Variants in L3MBTL4 observed in about 807,000 individuals in gnomAD.
L3MBTL4 encodes L3MBTL histone methyl-lysine binding protein 4, also known as lethal(3)malignant brain tumor-like protein 4.
In L3MBTL4, 70 loss-of-function variants were observed where a neutral mutation model predicts 84.5. The ratio of observed to expected loss-of-function variants is 0.83; its 90% CI spans 0.68 to 1.01. The LOEUF (loss-of-function observed/expected upper bound fraction) is 1.01. Ranked by LOEUF, L3MBTL4 falls within the 50% of genes least tolerant of loss-of-function variation. The pLI, the probability that L3MBTL4 is intolerant of heterozygous loss-of-function variation, is 0.00. For synonymous variants in L3MBTL4, 274 were observed against 259.8 expected (o/e 1.05, Z -0.52); for missense variants, 715 against 754.8 (o/e 0.95, Z 0.62).
intron 12 of L3MBTL4, among the ~76,000 whole-genome samples, chr18:6,187,811 A>G (rs2044848836): frequency 6.6e-6 from 1 of 152,018 alleles, no homozygotes; most frequent in Non-Finnish European, 1.5e-5. Context: ...TCAATGTCAG[A>G]AGTCTAAATT....
chr18:6,033,243 T>A (rs945864619), intron 16 of L3MBTL4, among the ~76,000 whole-genome samples: 15 of 152,346 alleles, frequency 9.8e-5, no homozygotes, highest in African/African-American at 3.6e-4. Flanking sequence ...CTTTGCCTAT[T>A]GTAACATTTT....
intron 5 of L3MBTL4, 83 bp from the exon 6 acceptor site, chr18:6,244,671 A>ACACC: frequency 1.1e-6 from 1 of 941,732 alleles, no homozygotes; most frequent in Non-Finnish European, 1.7e-6. Context: ...CCTCTAGGTG[A>ACACC]AGTCTAAAAC....
At chr18:6,195,041 C>A (rs899589062) in intron 12 of L3MBTL4, among the ~76,000 whole-genome samples, 2 of 152,126 alleles carry the variant, frequency 1.3e-5, no homozygotes, top group Admixed American at 1.3e-4. Flanking sequence ...GGGAATGATA[C>A]CAAATTTGCC....
intron 13 of L3MBTL4, among the ~76,000 whole-genome samples, chr18:6,161,011 A>T (rs1404826834): frequency 6.6e-6 from 1 of 152,192 alleles, no homozygotes; most frequent in East Asian, 1.9e-4. Context: ...CCAAAATATG[A>T]CCCAGTTAGA....
chr18:6,027,063 A>G lies in L3MBTL4; in HGVS notation c.1444+53818T>C, dbSNP rs140924074. Among the ~76,000 whole-genome samples, 286 of 152,298 alleles carry G rather than the reference A, an allele frequency of 1.9e-3. 2 individuals carry two copies. In the East Asian group the frequency reaches 0.038, roughly 20 times the overall value. On this transcript the variant is annotated intron_variant, in intron 16 of 18. Coordinates refer to ENST00000317931, the MANE Select transcript of L3MBTL4 (RefSeq NM_001330559.2). Reference sequence around the variant, plus strand: ...ACTTTAAGTTCTGGGATACATGTGCAGAACGTGCAGGTTTTTACACAGGTA... The same window carrying G: ...ACTTTAAGTTCTGGGATACATGTGCGGAACGTGCAGGTTTTTACACAGGTA...
intron 4 of L3MBTL4, among the ~76,000 whole-genome samples, chr18:6,293,798 C>G (rs1162077739): frequency 1.3e-5 from 2 of 152,170 alleles, no homozygotes; most frequent in African/African-American, 4.8e-5. Context: ...CAGTATCAGA[C>G]AAATCCAAAC....
intron 4 of L3MBTL4, among the ~76,000 whole-genome samples, chr18:6,298,621 C>T (rs747906251): frequency 3.3e-4 from 50 of 152,280 alleles, no homozygotes; most frequent in Non-Finnish European, 6.8e-4. Context: ...GCCTGTAATC[C>T]CAGCACTTTG....
intron 16 of L3MBTL4, among the ~76,000 whole-genome samples, chr18:5,984,721 A>G (rs2053392567): frequency 1.3e-5 from 2 of 152,164 alleles, no homozygotes; most frequent in African/African-American, 4.8e-5. Flanking sequence ...TGGTGAGAAA[A>G]TTAATTGATA....
At position 5,955,488 on chromosome 18, in the gene L3MBTL4, G is replaced by A. The variant is rs928978215; in HGVS notation, c.*732C>T. The A allele has an allele frequency of 1.1e-4, 17 of 152,212 alleles. No homozygotes were observed. The highest frequency in any genetic ancestry group is 3.4e-4 in the African/African-American group (14 of 41,452). The allele number at this position is 152,212 out of a possible 1,614,324, so 9.4% of individuals were successfully genotyped here. ...TTAGGACAGGGTCCCCTGAGGCCCC[G>A]CTGATGGTGGAGGGTCCTCAGAAGG... On this transcript the variant is annotated 3_prime_UTR_variant, in exon 19 of 19. Coordinates refer to ENST00000317931, the MANE Select transcript of L3MBTL4 (RefSeq NM_001330559.2).
At chr18:6,204,465 T>C (rs1172484539) in intron 12 of L3MBTL4, among the ~76,000 whole-genome samples, 2 of 152,148 alleles carry the variant, frequency 1.3e-5, no homozygotes, top group Non-Finnish European at 2.9e-5. Context: ...ATAAAGATCT[T>C]GCATATACCA....
intron 1 of L3MBTL4, among the ~76,000 whole-genome samples, chr18:6,405,594 C>A (rs961441975): frequency 6.6e-6 from 1 of 152,076 alleles, no homozygotes; most frequent in Non-Finnish European, 1.5e-5. Context: ...CTGCTAAATA[C>A]AGGAAATGAG....
At chr18:6,408,185 TCA>T (rs1216182401) in intron 1 of L3MBTL4, among the ~76,000 whole-genome samples, 10 of 152,236 alleles carry the variant, frequency 6.6e-5, no homozygotes, top group Non-Finnish European at 1.2e-4. Context: ...CAGGATGTGC[TCA>T]CAGTCTCAGG....
intron 1 of L3MBTL4, among the ~76,000 whole-genome samples, chr18:6,364,538 T>C (rs1029101747): frequency 1.3e-5 from 2 of 152,136 alleles, no homozygotes; most frequent in Admixed American, 6.5e-5. Flanking sequence ...AAAAGCTTTA[T>C]TGTTACCTCC....
chr18:6,122,050 T>C (rs2059547332), intron 14 of L3MBTL4, among the ~76,000 whole-genome samples: 1 of 152,214 alleles, frequency 6.6e-6, no homozygotes, highest in African/African-American at 2.4e-5. Flanking sequence ...ACTTATGAGT[T>C]GTGCAGTGAT....
chr18:6,187,585 C>T (rs2044837815), intron 12 of L3MBTL4, among the ~76,000 whole-genome samples: 1 of 152,148 alleles, frequency 6.6e-6, no homozygotes, highest in Non-Finnish European at 1.5e-5. Flanking sequence ...GTACTGCACC[C>T]TCTGAAACAG....
intron 16 of L3MBTL4, chr18:6,025,082 A>T (rs976565829): frequency 2.6e-5 from 4 of 152,208 alleles, no homozygotes; most frequent in Non-Finnish European, 4.4e-5. Flanking sequence ...GGATCTCTCC[A>T]AATTCCTCAG....
At chr18:6,227,126 A>G (rs2046814761) in intron 10 of L3MBTL4, among the ~76,000 whole-genome samples, 1 of 152,200 alleles carries the variant, frequency 6.6e-6, no homozygotes, top group Non-Finnish European at 1.5e-5. Context: ...ACCTAATAAG[A>G]GTGCTTCAAA....
intron 16 of L3MBTL4, among the ~76,000 whole-genome samples, chr18:6,071,578 G>A (rs1249377356): frequency 6.6e-6 from 1 of 150,630 alleles, no homozygotes; most frequent in Middle Eastern, 3.2e-3. Flanking sequence ...CAAGGTTGCA[G>A]TAAGCCATAA....
At chr18:6,094,788 C>T (rs1438666806) in intron 14 of L3MBTL4, among the ~76,000 whole-genome samples, 2 of 151,942 alleles carry the variant, frequency 1.3e-5, no homozygotes, top group Non-Finnish European at 2.9e-5. Flanking sequence ...CATTCTAACC[C>T]CAAAAGGACT....
Sources: allele counts gnomAD v4.1 joint callset (sites outside exome capture counted in the v4.1 genomes callset), GRCh38; gene constraint gnomAD v4.1.1; transcripts MANE v1.5; gene names NCBI Gene and HGNC (gene_info 2026-07-23, HGNC 2026-07-21).